Variants in TLE1 observed in about 807,000 individuals in gnomAD.
TLE1 encodes TLE family member 1, transcriptional corepressor.
Under a neutral mutation model 89.8 loss-of-function variants are expected in TLE1, and 21 were observed. The observed-to-expected ratio is 0.23, with a 90% confidence interval of 0.17 to 0.34. The LOEUF is 0.34. Among genes scored for constraint, TLE1 ranks in the 10% least tolerant of loss-of-function variants. TLE1 has a pLI of 1.00. For synonymous variants in TLE1, 447 were observed against 407.6 expected, an observed-to-expected ratio of 1.10 and a Z score of -1.16; for missense variants, 795 against 1,031.2, an observed-to-expected ratio of 0.77 and a Z score of 3.14.
At chr9:81,598,759 T>C (rs1451155343) in intron 14 of TLE1, among the ~76,000 whole-genome samples, 1 of 152,172 alleles carries the variant, frequency 6.6e-6, no homozygotes, top group East Asian at 1.9e-4. Context: ...ACAGCTGACT[T>C]AGACCACAGA....
intron 4 of TLE1, among the ~76,000 whole-genome samples, chr9:81,678,746 C>T (rs1833220122): frequency 6.6e-6 from 1 of 152,100 alleles, no homozygotes; most frequent in Non-Finnish European, 1.5e-5. Flanking sequence ...ACCTACATAC[C>T]TGTAATCCCG....
chr9:81,644,853 G>A (rs2132514927), intron 6 of TLE1, among the ~76,000 whole-genome samples: 1 of 151,526 alleles, frequency 6.6e-6, no homozygotes, highest in South Asian at 2.1e-4. Context: ...AATTAGCCAG[G>A]CATGGTGGTG....
intron 9 of TLE1, among the ~76,000 whole-genome samples, chr9:81,617,980 G>C (rs1465687374): frequency 6.6e-6 from 1 of 152,122 alleles, no homozygotes; most frequent in African/African-American, 2.4e-5. Context: ...AGCCGAGATT[G>C]TGCCATTGCA....
chr9:81,630,857 A>C (rs1037251923), intron 8 of TLE1, among the ~76,000 whole-genome samples: 1 of 152,200 alleles, frequency 6.6e-6, no homozygotes, highest in African/African-American at 2.4e-5. Flanking sequence ...GAGCTACTTA[A>C]TTTTATGTAA....
intron 11 of TLE1, among the ~76,000 whole-genome samples, chr9:81,614,042 G>A (rs1226664090): frequency 6.6e-6 from 1 of 151,676 alleles, no homozygotes; most frequent in Admixed American, 6.6e-5. Flanking sequence ...TGAGTAGCTG[G>A]GACTACAGGT....
At chr9:81,590,712 T>G in intron 16 of TLE1, 93 bp downstream of exon 16, 1 of 1,543,866 alleles carries the variant, frequency 6.5e-7, no homozygotes, top group Non-Finnish European at 8.7e-7. Context: ...GAGGCTCTTA[T>G]TGTGTGGGCT....
chr9:81,638,277 G>C (rs960271307), intron 6 of TLE1, among the ~76,000 whole-genome samples: 1 of 152,172 alleles, frequency 6.6e-6, no homozygotes, highest in African/African-American at 2.4e-5. Context: ...AAAGAAGCAC[G>C]TCAAGAAGAA....
chr9:81,650,497 T>C (rs111896471), intron 6 of TLE1, among the ~76,000 whole-genome samples: 10 of 152,346 alleles, frequency 6.6e-5, no homozygotes, highest in African/African-American at 2.2e-4. Context: ...AATTCTGTGC[T>C]TGAGCTACAA....
At chr9:81,631,122 G>A (rs1239761667) in intron 8 of TLE1, among the ~76,000 whole-genome samples, 2 of 152,156 alleles carry the variant, frequency 1.3e-5, no homozygotes, top group Non-Finnish European at 2.9e-5. Context: ...ATTTGAACTA[G>A]AAAGTTCGTT....
intron 6 of TLE1, among the ~76,000 whole-genome samples, chr9:81,635,630 T>C (rs1010046716): frequency 1.3e-5 from 2 of 152,218 alleles, no homozygotes; most frequent in African/African-American, 4.8e-5. Context: ...TTCTGATTTG[T>C]GCTCACTTCC....
intron 14 of TLE1, among the ~76,000 whole-genome samples, chr9:81,606,598 G>A (rs1587935337): frequency 6.6e-6 from 1 of 152,052 alleles, no homozygotes; most frequent in East Asian, 1.9e-4. Flanking sequence ...GGACACAGGT[G>A]GGGAACATCA....
intron 14 of TLE1, among the ~76,000 whole-genome samples, chr9:81,595,903 C>T (rs1419701693): frequency 6.6e-6 from 1 of 151,816 alleles, no homozygotes; most frequent in Non-Finnish European, 1.5e-5. Context: ...GGAGAAACTG[C>T]TTCTCAAAGA....
chr9:81,620,373 G>A, intron 9 of TLE1, 68 bp downstream of exon 9: 1 of 1,186,128 alleles, frequency 8.4e-7, no homozygotes, highest in Non-Finnish European at 1.2e-6. Context: ...TAAGATCTTA[G>A]AATATACTTG....
chr9:81,587,371 A>G (rs923017667), intron 17 of TLE1, among the ~76,000 whole-genome samples: 1 of 152,210 alleles, frequency 6.6e-6, no homozygotes, highest in African/African-American at 2.4e-5. Context: ...GCCACAGATC[A>G]AACACTGCTG....
chr9:81,652,304 GAAGA>G lies in TLE1; in HGVS notation c.298-20_298-17del, dbSNP rs968308852. The G allele has an allele frequency of 1.9e-6, 3 of 1,611,560 alleles. No individual in the cohort carries two copies. In the African/African-American group the frequency reaches 4.0e-5, roughly 22 times the overall value. On this transcript the variant is annotated splice_polypyrimidine_tract_variant and intron_variant, in intron 5 of 19. Coordinates refer to ENST00000376499, the MANE Select transcript of TLE1 (RefSeq NM_005077.5). ...GTTGTTGATGCTTTGAAAACAAGGAGAAGAAAGGGCATTAGCAACAGCCAAAAAC... is the reference window on the plus strand; with the variant it reads ...GTTGTTGATGCTTTGAAAACAAGGAGAAGGGCATTAGCAACAGCCAAAAAC...
At chr9:81,592,212 G>C (rs1028488802) in intron 15 of TLE1, among the ~76,000 whole-genome samples, 2 of 152,170 alleles carry the variant, frequency 1.3e-5, no homozygotes, top group Admixed American at 1.3e-4. Context: ...CAAAAAATTA[G>C]CCGGGCGTGG....
chr9:81,643,727 AG>A (rs1828463776), intron 6 of TLE1, among the ~76,000 whole-genome samples: 1 of 151,720 alleles, frequency 6.6e-6, no homozygotes. Context: ...GTGGAAAAAA[AG>A]TCTTGCTATG....
chr9:81,652,385 T>C, intron 5 of TLE1, 97 bp from the exon 6 acceptor site: 1 of 969,476 alleles, frequency 1.0e-6, no homozygotes, highest in Non-Finnish European at 1.6e-6. Context: ...CAATGCAGGC[T>C]GAAGTAGAAG....
chr9:81,629,610 A>C lies in TLE1; in HGVS notation c.594+3738T>G, dbSNP rs566667055. ...GGATACTTTGTAAGAAAGCCATGTC[A>C]GGCAATTTCATCATTGTGCAAATAT... On this transcript the variant is annotated intron_variant, in intron 8 of 19. Transcript: ENST00000376499. 2.2e-4 allele frequency among the ~76,000 whole-genome samples: 34 copies of C among 152,348 alleles called. No homozygotes were observed. The South Asian group carries it at 6.8e-3, about 31-fold the overall frequency.
Sources: gnomAD v4.1 joint callset for allele counts (sites outside exome capture counted in the v4.1 genomes callset) on GRCh38, gnomAD v4.1.1 for gene constraint, MANE v1.5 for transcripts, NCBI Gene and HGNC (gene_info 2026-07-23, HGNC 2026-07-21) for gene names.